ZFHX3: variants seen among roughly 807,000 people sequenced by gnomAD.
ZFHX3 encodes the protein zinc finger homeobox 3, also known as zinc finger homeobox protein 3.
ZFHX3 carries 42 observed loss-of-function variants against 279.1 expected under a neutral mutation model. That is an observed-to-expected ratio of 0.15 (90% confidence interval 0.12 to 0.19). ZFHX3 has a LOEUF of 0.19. ZFHX3 is among the 10% of genes least tolerant of loss of function. The probability of loss-of-function intolerance (pLI) is 1.00; values close to 1 mark genes in which losing one functional copy is unlikely to be tolerated. For missense variants in ZFHX3, 4,981 were observed against 4,754.0 expected (o/e 1.05, Z -1.40); for synonymous variants, 2,293 against 1,957.8 (o/e 1.17, Z -4.52).
At chr16:73,719,333 A>T (rs1175611083) in intron 1 of ZFHX3, among the ~76,000 whole-genome samples, 1 of 152,184 alleles carries the variant, frequency 6.6e-6, no homozygotes, top group Non-Finnish European at 1.5e-5. Flanking sequence ...TGGCCCAGTT[A>T]TTCCTCCCAT....
At chr16:72,854,888 G>GA (rs59760936) in intron 4 of ZFHX3, among the ~76,000 whole-genome samples, 3,719 of 87,570 alleles carry the variant, frequency 0.042, 355 homozygotes, top group Admixed American at 0.28. Context: ...AAAATGGAAA[G>GA]AAAAAAAAAA....
intron 7 of ZFHX3, among the ~76,000 whole-genome samples, chr16:73,111,652 A>G (rs568764459): frequency 8.9e-5 from 6 of 67,684 alleles, no homozygotes; most frequent in Non-Finnish European, 1.5e-4. Context: ...GAAAGAGAGG[A>G]AGGAAGGAAG....
At chr16:72,833,627 G>A (rs1195286453) in intron 4 of ZFHX3, among the ~76,000 whole-genome samples, 1 of 152,168 alleles carries the variant, frequency 6.6e-6, no homozygotes, top group Non-Finnish European at 1.5e-5. Context: ...CCCAACCAGA[G>A]CACACCAGGA....
intron 1 of ZFHX3, among the ~76,000 whole-genome samples, chr16:73,832,662 C>A (rs529399164): frequency 2.6e-5 from 4 of 152,208 alleles, no homozygotes; most frequent in African/African-American, 7.2e-5. Context: ...ATCCTCCCCC[C>A]TCAGCCTCCC....
At chr16:73,509,390 G>T (rs938516727) in intron 2 of ZFHX3, among the ~76,000 whole-genome samples, 1 of 151,468 alleles carries the variant, frequency 6.6e-6, no homozygotes, top group Admixed American at 6.6e-5. Flanking sequence ...CAGGCCCTTC[G>T]ATGTCTCCTG....
intron 2 of ZFHX3, among the ~76,000 whole-genome samples, chr16:73,563,169 GTTGTGTGTGTGTGTGTGTGTGTGT>G (rs1440448482): frequency 7.3e-5 from 8 of 108,912 alleles, no homozygotes; most frequent in Non-Finnish European, 1.5e-4. Flanking sequence ...TTTTTGTTTT[GTTGTGTGTGTGTGTGTGTGTGTGT>G]GTGTGTGTGT....
chr16:73,209,878 C>T (rs2011947659), intron 5 of ZFHX3, among the ~76,000 whole-genome samples: 1 of 152,048 alleles, frequency 6.6e-6, no homozygotes, highest in African/African-American at 2.4e-5. Flanking sequence ...ACCCAGGGTC[C>T]CCAGACCACA....
In ZFHX3 at chr16:73,519,782, C is replaced by G. The variant is rs937279147; in HGVS notation, c.-1546-63524G>C. On this transcript the variant is annotated intron_variant, in intron 2 of 17. Coordinates refer to the ZFHX3 transcript ENST00000641206. ...TTCCACTGACTTCTACTTCCTTTAC[C>G]AGGGGTTACTTGCCTCCAAGACACC... Among the ~76,000 whole-genome samples the G allele has an allele frequency of 3.3e-5, 5 of 152,084 alleles. No homozygotes were observed. In the South Asian group the frequency reaches 1.0e-3, roughly 32 times the overall value.
chr16:73,758,656 C>A (rs2053834813), intron 1 of ZFHX3, among the ~76,000 whole-genome samples: 1 of 152,192 alleles, frequency 6.6e-6, no homozygotes, highest in Non-Finnish European at 1.5e-5. Flanking sequence ...ACAGGCGGAT[C>A]TAACAGGGTC....
At chr16:73,633,225 T>C (rs978922597) in intron 2 of ZFHX3, among the ~76,000 whole-genome samples, 7 of 152,182 alleles carry the variant, frequency 4.6e-5, no homozygotes, top group Admixed American at 6.5e-5. Flanking sequence ...ATGAAGGAGA[T>C]CGAAATTGAG....
In ZFHX3 at chr16:72,787,952, G is replaced by T; in HGVS notation, c.10324C>A (p.Pro3442Thr). ...SPLLPKLPEE[P>T]EAESKSADSL... is the part of the protein sequence containing the mutation. ...TCCGCACTTTTGCTTTCTGCTTCTG[G>T]CTCTTCAGGGAGTTTCGGCAGGAGG... Residue 3442 changes from proline to threonine, a missense_variant, in exon 10 of 10, where the codon CCA becomes ACA. Pro to Thr is a conservative substitution (Grantham distance 38). Around this residue, in one of 7 missense-constraint regions of ZFHX3, gnomAD observed 1,034 missense variants for 786.0 expected, o/e 1.32. Transcript: ENST00000268489. 1 of 1,613,864 alleles carries T rather than the reference G, an allele frequency of 6.2e-7. No homozygotes were observed. The highest frequency in any genetic ancestry group is 8.5e-7 in the Non-Finnish European group (1 of 1,179,994).
intron 7 of ZFHX3, among the ~76,000 whole-genome samples, chr16:73,122,489 G>A (rs1269803206): frequency 6.6e-6 from 1 of 152,054 alleles, no homozygotes; most frequent in African/African-American, 2.4e-5. Flanking sequence ...TTACAGGTGT[G>A]AGCCACTGTG....
At chr16:73,225,799 G>A (rs771738710) in intron 5 of ZFHX3, among the ~76,000 whole-genome samples, 4 of 151,984 alleles carry the variant, frequency 2.6e-5, no homozygotes, top group Admixed American at 2.0e-4. Flanking sequence ...CCCACCTAAC[G>A]TTGCATTGCT....
intron 8 of ZFHX3, among the ~76,000 whole-genome samples, chr16:73,074,979 G>GT (rs145542547): frequency 0.02 from 2,973 of 150,658 alleles, 137 homozygotes; most frequent in East Asian, 0.19. Flanking sequence ...GCTAATTTTT[G>GT]TTTTTTTTTG....
chr16:73,039,636 C>T (rs968460348), intron 1 of ZFHX3, among the ~76,000 whole-genome samples: 6 of 152,184 alleles, frequency 3.9e-5, no homozygotes, highest in Admixed American at 1.3e-4. Flanking sequence ...CCCCAAACAT[C>T]AACAGTGCCA....
intron 4 of ZFHX3, among the ~76,000 whole-genome samples, chr16:73,287,950 G>C (rs1205316412): frequency 6.6e-6 from 1 of 152,080 alleles, no homozygotes; most frequent in East Asian, 1.9e-4. Flanking sequence ...TCCCCATTCA[G>C]GAGGAGCCCT....
chr16:73,083,680 C>T (rs191491979), intron 8 of ZFHX3, among the ~76,000 whole-genome samples: 1 of 152,320 alleles, frequency 6.6e-6, no homozygotes, highest in Admixed American at 6.5e-5. Context: ...CAGGTGCGCA[C>T]CATCACACCT....
At chr16:73,669,313 C>A (rs1225974761) in intron 2 of ZFHX3, among the ~76,000 whole-genome samples, 1 of 152,232 alleles carries the variant, frequency 6.6e-6, no homozygotes, top group African/African-American at 2.4e-5. Context: ...CTTGGCCTCC[C>A]AAAGTGCTGG....
intron 1 of ZFHX3, among the ~76,000 whole-genome samples, chr16:73,695,992 C>G (rs2053194432): frequency 6.6e-6 from 1 of 152,180 alleles, no homozygotes; most frequent in Non-Finnish European, 1.5e-5. Context: ...CTTGTCCTGA[C>G]TATAATTTGG....
Sources: gnomAD v4.1 joint callset for allele counts (sites outside exome capture counted in the v4.1 genomes callset) on GRCh38, gnomAD v4.1.1 for gene constraint, gnomAD v4.1.1 regional missense constraint, MANE v1.5 for transcripts, NCBI Gene and HGNC (gene_info 2026-07-23, HGNC 2026-07-21) for gene names.